Variants in KCTD8 observed in about 807,000 individuals in gnomAD.
KCTD8 encodes the protein potassium channel tetramerization domain containing 8.
KCTD8 carries 27 observed loss-of-function variants against 31.5 expected under a neutral mutation model. The ratio of observed to expected loss-of-function variants is 0.86; its 90% CI spans 0.63 to 1.18. KCTD8 has a LOEUF of 1.18. Among genes scored for constraint, KCTD8 ranks in the 50% most tolerant of loss-of-function variants. KCTD8 has a pLI of 0.00. For missense variants in KCTD8, 658 were observed against 647.7 expected (o/e 1.02, Z -0.17); for synonymous variants, 290 against 280.0 (o/e 1.04, Z -0.36).
chr4:44,236,101 T>C (rs1715283024), intron 1 of KCTD8, among the ~76,000 whole-genome samples: 1 of 152,100 alleles, frequency 6.6e-6, no homozygotes, highest in African/African-American at 2.4e-5. Flanking sequence ...GAGGATAAGG[T>C]TGCCCAGCAG....
chr4:44,353,016 A>T (rs571312362), intron 1 of KCTD8, among the ~76,000 whole-genome samples: 6 of 152,278 alleles, frequency 3.9e-5, no homozygotes, highest in African/African-American at 1.4e-4. Context: ...AGTGTACAAT[A>T]CAATGAGTTT....
Position 44,259,386 on chromosome 4 carries a change from CT to C in KCTD8, c.962-84137del, listed in dbSNP as rs1363980173. Among the ~76,000 whole-genome samples the C allele has an allele frequency of 2.0e-5, 3 of 152,014 alleles. No individual in the cohort carries two copies. In the East Asian group the frequency reaches 5.8e-4, roughly 29 times the overall value. On this transcript the variant is annotated intron_variant, in intron 1 of 1. Coordinates refer to ENST00000360029, the MANE Select transcript of KCTD8 (RefSeq NM_198353.3). ...AACCTGCCACACTAATACTTTGGAT[CT>C]GGCAAATAGAAAGTTTCTGTAATAC...
chr4:44,381,311 G>A (rs997908896), intron 1 of KCTD8, among the ~76,000 whole-genome samples: 1 of 151,882 alleles, frequency 6.6e-6, no homozygotes, highest in Non-Finnish European at 1.5e-5. Flanking sequence ...CAGCAAAACT[G>A]TAAAATTAAC....
chr4:44,199,995 A>T (rs1169823093), intron 1 of KCTD8, among the ~76,000 whole-genome samples: 1 of 151,740 alleles, frequency 6.6e-6, no homozygotes, highest in Non-Finnish European at 1.5e-5. Context: ...AGACAGAAAT[A>T]AAAAAAGATC....
chr4:44,322,626 T>C (rs1417999945), intron 1 of KCTD8, among the ~76,000 whole-genome samples: 1 of 152,060 alleles, frequency 6.6e-6, no homozygotes, highest in African/African-American at 2.4e-5. Flanking sequence ...CTTTGGTTGC[T>C]TGTGCTTTTG....
At chr4:44,216,510 C>T (rs56070407) in intron 1 of KCTD8, among the ~76,000 whole-genome samples, 18,217 of 151,906 alleles carry the variant, frequency 0.12, 1,388 homozygotes, top group East Asian at 0.25. Context: ...TGAAGATATC[C>T]CAATATTTCT....
At chr4:44,369,639 T>C (rs1719732390) in intron 1 of KCTD8, among the ~76,000 whole-genome samples, 1 of 151,964 alleles carries the variant, frequency 6.6e-6, no homozygotes, top group African/African-American at 2.4e-5. Flanking sequence ...AACCCTGCCT[T>C]TACAAAGATT....
intron 1 of KCTD8, among the ~76,000 whole-genome samples, chr4:44,182,144 C>A: frequency 6.6e-6 from 1 of 151,506 alleles, no homozygotes; most frequent in Non-Finnish European, 1.5e-5. Context: ...CCCGCCCGGC[C>A]AGCCGCCCCG....
chr4:44,222,639 C>T (rs1714840155), intron 1 of KCTD8, among the ~76,000 whole-genome samples: 2 of 152,162 alleles, frequency 1.3e-5, no homozygotes. Flanking sequence ...TGCAACTTCA[C>T]GTCCACCTTT....
At chr4:44,338,593 G>A (rs774946721) in intron 1 of KCTD8, among the ~76,000 whole-genome samples, 28 of 152,286 alleles carry the variant, frequency 1.8e-4, no homozygotes, top group African/African-American at 3.6e-4. Context: ...AAACAGATAC[G>A]TATGGATGTG....
chr4:44,188,852 A>G (rs571827189), intron 1 of KCTD8, among the ~76,000 whole-genome samples: 1 of 152,322 alleles, frequency 6.6e-6, no homozygotes, highest in Admixed American at 6.5e-5. Context: ...GAGATAGTGT[A>G]GCCCTGCTGA....
chr4:44,233,322 T>C (rs1232058260), intron 1 of KCTD8, among the ~76,000 whole-genome samples: 1 of 152,202 alleles, frequency 6.6e-6, no homozygotes, highest in Admixed American at 6.6e-5. Context: ...ATCAGTTCTT[T>C]TACCATTCTT....
chr4:44,357,805 T>C (rs1401895101), intron 1 of KCTD8, among the ~76,000 whole-genome samples: 2 of 151,944 alleles, frequency 1.3e-5, no homozygotes, highest in Non-Finnish European at 2.9e-5. Flanking sequence ...TCTCCTCTGG[T>C]ATCATTAAAA....
intron 1 of KCTD8, among the ~76,000 whole-genome samples, chr4:44,298,415 A>C (rs59838243): frequency 0.11 from 16,305 of 148,490 alleles, 1,091 homozygotes; most frequent in East Asian, 0.22. Context: ...TGCCCCCCCC[A>C]CCTCTTTATT....
chr4:44,392,966 A>T (rs548771645), intron 1 of KCTD8, among the ~76,000 whole-genome samples: 2 of 152,172 alleles, frequency 1.3e-5, no homozygotes, highest in African/African-American at 4.8e-5. Context: ...ATGGACAAAG[A>T]AGTACTTTCT....
At chr4:44,182,168 T>TG (rs901977715) in intron 1 of KCTD8, among the ~76,000 whole-genome samples, 12 of 144,568 alleles carry the variant, frequency 8.3e-5, no homozygotes, top group African/African-American at 2.9e-4. Flanking sequence ...GAGAGGGAGG[T>TG]GGGGGGGCGC....
At chr4:44,429,714 G>A (rs1222427181) in intron 1 of KCTD8, among the ~76,000 whole-genome samples, 1 of 151,700 alleles carries the variant, frequency 6.6e-6, no homozygotes. Context: ...ATAATTGAGA[G>A]GGAGAGATGT....
chr4:44,448,120 T>A lies in KCTD8; in HGVS notation c.404A>T (p.Glu135Val). Residue 135 changes from glutamate (E) to valine (V), a missense_variant, in exon 1 of 2, where the codon GAG (glutamate) becomes GTG (valine). Physicochemically the swap from Glu to Val is moderately radical, Grantham distance 121. Coordinates refer to ENST00000360029, the MANE Select transcript of KCTD8 (RefSeq NM_198353.3). This position sits in a 1 kb window ranked among gnomAD's most constrained non-coding sequence, Gnocchi z 4.1. ...GACCAAGTCGGTGAGCTGGAAATACTCGGCCTCGCGCAGCAGCCGCTCCTT... is the reference window on the plus strand; with the variant it reads ...GACCAAGTCGGTGAGCTGGAAATACACGGCCTCGCGCAGCAGCCGCTCCTT... ...PEKERLLREA[E>V]YFQLTDLVKL... is the part of the protein sequence containing the mutation. 1 of 1,612,414 alleles carries A rather than the reference T, an allele frequency of 6.2e-7. No homozygotes were observed. Among genetic ancestry groups the A allele is most frequent in the Non-Finnish European group, 8.5e-7 (1 of 1,179,794 alleles).
At chr4:44,289,094 C>G (rs1717191410) in intron 1 of KCTD8, among the ~76,000 whole-genome samples, 1 of 151,238 alleles carries the variant, frequency 6.6e-6, no homozygotes, top group Admixed American at 6.6e-5. Context: ...TACTATCTAC[C>G]TCACAGGATG....
Sources: allele counts gnomAD v4.1 joint callset (sites outside exome capture counted in the v4.1 genomes callset), GRCh38; gene constraint gnomAD v4.1.1; non-coding constraint Gnocchi (gnomAD v3.1); transcripts MANE v1.5; gene names NCBI Gene and HGNC (gene_info 2026-07-23, HGNC 2026-07-21).